The following HEATR4 variants were observed in gnomAD, a reference collection of about 807,000 sequenced individuals.
HEATR4 encodes the protein HEAT repeat containing 4.
HEATR4 carries 95 observed loss-of-function variants against 108.8 expected under a neutral mutation model. That is an observed-to-expected ratio of 0.87 (90% CI 0.74 to 1.04). The LOEUF (loss-of-function observed/expected upper bound fraction) is 1.04. Ranked by LOEUF, HEATR4 falls within the 50% of genes least tolerant of loss-of-function variation. The probability of loss-of-function intolerance (pLI) is 0.00; values close to 1 mark genes in which losing one functional copy is unlikely to be tolerated. For synonymous variants in HEATR4, 443 were observed against 459.4 expected (o/e 0.96, Z 0.46); for missense variants, 1,152 against 1,253.8 (o/e 0.92, Z 1.23).
chr14:73,575,721 A>G, the HEATR4 span: 7 of 494,660 alleles, frequency 1.4e-5, no homozygotes, highest in Admixed American at 1.8e-4. Context: ...TAACTGTAGG[A>G]AACACAAGAA....
At chr14:73,500,162 G>A (rs1344808934) in intron 12 of HEATR4, among the ~76,000 whole-genome samples, 2 of 152,090 alleles carry the variant, frequency 1.3e-5, no homozygotes, top group Admixed American at 6.6e-5. Context: ...CCTGGGAGGC[G>A]GAGCTTGCAG....
intron 17 of HEATR4, among the ~76,000 whole-genome samples, chr14:73,485,810 A>G (rs1010857820): frequency 1.3e-5 from 2 of 151,926 alleles, no homozygotes; most frequent in Admixed American, 1.3e-4. Flanking sequence ...TGGAGGTTGC[A>G]GTGAGCCAAG....
intron 6 of HEATR4, among the ~76,000 whole-genome samples, chr14:73,512,651 G>A (rs970896597): frequency 6.6e-6 from 1 of 152,196 alleles, no homozygotes; most frequent in African/African-American, 2.4e-5. Flanking sequence ...GCAAGATAAT[G>A]AAGGTTCAAT....
At chr14:73,568,939 T>G in the HEATR4 span, 1 of 441,876 alleles carries the variant, frequency 2.3e-6, no homozygotes, top group Non-Finnish European at 4.1e-6. Flanking sequence ...TGATCAAAAC[T>G]AACTCCAGCT....
chr14:73,506,428 C>T, intron 10 of HEATR4, 39 bp downstream of exon 10: 7 of 1,493,434 alleles, frequency 4.7e-6, no homozygotes, highest in Non-Finnish European at 6.5e-6. Flanking sequence ...CTCAGCCTCT[C>T]TTAGGCTTTC....
In HEATR4 at chr14:73,492,670, T is replaced by G. The variant is rs1885855244; in HGVS notation, c.2844+396A>C. ...CAACAGAAACAGAAGTCCATATGCT[T>G]CAGGATGGGATAGCTCGGCTGGTGG... On this transcript the variant is annotated intron_variant, in intron 17 of 17. Coordinates refer to ENST00000553558, the MANE Select transcript of HEATR4 (RefSeq NM_001220484.1). This position sits in a 1 kb window ranked among gnomAD's most constrained non-coding sequence, Gnocchi z 4.9. 1 of 1,613,966 alleles carries G rather than the reference T, an allele frequency of 6.2e-7. No homozygotes were observed. The highest frequency in any genetic ancestry group is 1.7e-5 in the Admixed American group (1 of 60,026).
intron 17 of HEATR4, among the ~76,000 whole-genome samples, chr14:73,486,647 G>A (rs1263305281): frequency 2.0e-5 from 3 of 151,804 alleles, no homozygotes; most frequent in Non-Finnish European, 4.4e-5. Flanking sequence ...GCAGTGAGCC[G>A]AGATCGTGCC....
At chr14:73,577,746 G>A in the HEATR4 span, among the ~76,000 whole-genome samples, 2 of 152,044 alleles carry the variant, frequency 1.3e-5, no homozygotes, top group Non-Finnish European at 2.9e-5. Flanking sequence ...GGGTGTAGAA[G>A]CACATGCCTG....
intron 5 of HEATR4, among the ~76,000 whole-genome samples, chr14:73,514,781 A>G (rs578021014): frequency 7.9e-5 from 12 of 152,334 alleles, no homozygotes; most frequent in African/African-American, 2.2e-4. Context: ...TAGAAAAGCT[A>G]TAGTTGGCCG....
At chr14:73,617,190 A>G in the HEATR4 span, 1 of 1,614,164 alleles carries the variant, frequency 6.2e-7, no homozygotes, top group East Asian at 2.2e-5. Flanking sequence ...GCAGCATCCA[A>G]AGGTGCGTTC....
intron 10 of HEATR4, among the ~76,000 whole-genome samples, chr14:73,504,443 C>T (rs1009052410): frequency 1.3e-5 from 2 of 151,972 alleles, no homozygotes; most frequent in Non-Finnish European, 1.5e-5. Flanking sequence ...AGGGTTTCAC[C>T]GTGTTAGCCA....
chr14:73,537,325 T>A lies in HEATR4; in HGVS notation c.-151-7081A>T, dbSNP rs538333294. 9.2e-6 allele frequency: 10 copies of A among 1,087,254 alleles called. 2 individuals carry two copies. The African/African-American group carries it at 1.1e-4, about 12-fold the overall frequency. 67.4% of individuals were successfully genotyped at this position (1,087,254 alleles called of 1,614,324 possible). A position where few individuals can be genotyped will look rare whatever the true frequency, so the allele number is the denominator to read the frequency against. ...AGACAGCTCTGCCCTAGTGGGCGTT[T>A]AGCCTGCGACGGCAGCCCGAGAGGA... is the stretch of plus-strand genomic sequence containing the variant. On this transcript the variant is annotated intron_variant, in intron 1 of 17. Coordinates refer to ENST00000553558, the MANE Select transcript of HEATR4 (RefSeq NM_001220484.1).
intron 16 of HEATR4, among the ~76,000 whole-genome samples, chr14:73,493,667 ATC>A (rs1048764894): frequency 2.6e-5 from 4 of 152,016 alleles, no homozygotes; most frequent in African/African-American, 9.7e-5. Context: ...GCAAAACCCC[ATC>A]TCTAGTGAGA....
intron 17 of HEATR4, chr14:73,491,355 G>T (rs1417208318): frequency 2.1e-6 from 3 of 1,428,404 alleles, no homozygotes; most frequent in Non-Finnish European, 2.7e-6. Context: ...CCCGCCGCGC[G>T]CTCCCTGCAG....
chr14:73,510,318 A>T (rs1432768082), intron 7 of HEATR4, among the ~76,000 whole-genome samples: 6 of 152,136 alleles, frequency 3.9e-5, no homozygotes, highest in Non-Finnish European at 8.8e-5. Context: ...CTAAACAGTA[A>T]GGTTCATAAG....
chr14:73,558,244 G>T (rs1302976231), intron 1 of HEATR4, among the ~76,000 whole-genome samples: 1 of 138,786 alleles, frequency 7.2e-6, no homozygotes, highest in African/African-American at 2.7e-5. Context: ...CCCTCAAAAA[G>T]TTCCCCTCAT....
At chr14:73,510,263 G>A (rs904220165) in intron 7 of HEATR4, among the ~76,000 whole-genome samples, 75 of 151,980 alleles carry the variant, frequency 4.9e-4, no homozygotes, top group African/African-American at 1.8e-3. Flanking sequence ...ATTAGGCAAG[G>A]TAGGTATCAT....
chr14:73,605,960 G>C, the HEATR4 span, among the ~76,000 whole-genome samples: 10 of 152,076 alleles, frequency 6.6e-5, no homozygotes, highest in Non-Finnish European at 7.4e-5. Context: ...GGATCAGCTG[G>C]CATCACCCAG....
the HEATR4 span, among the ~76,000 whole-genome samples, chr14:73,602,043 C>T: frequency 2.0e-5 from 3 of 151,816 alleles, no homozygotes; most frequent in African/African-American, 4.8e-5. Flanking sequence ...TGAGTTCAAG[C>T]GATTCTCCTG....
Sources: allele counts gnomAD v4.1 joint callset (sites outside exome capture counted in the v4.1 genomes callset), GRCh38; gene constraint gnomAD v4.1.1; non-coding constraint Gnocchi (gnomAD v3.1); transcripts MANE v1.5; gene names NCBI Gene and HGNC (gene_info 2026-07-23, HGNC 2026-07-21).